Variants in EYS observed in about 807,000 individuals in gnomAD.
EYS encodes the protein protein eyes shut homolog.
A neutral mutation model predicts 282.1 loss-of-function variants in EYS; 250 were observed. The observed-to-expected ratio is 0.89, with a 90% CI of 0.80 to 0.98. EYS has a LOEUF of 0.98. EYS is among the 50% of genes least tolerant of loss of function. The pLI is 0.00. For synonymous variants in EYS, 1,355 were observed against 1,282.9 expected, an observed-to-expected ratio of 1.06 and a Z score of -1.20; for missense variants, 4,016 against 3,709.0, an observed-to-expected ratio of 1.08 and a Z score of -2.15.
intron 29 of EYS, among the ~76,000 whole-genome samples, chr6:64,359,933 T>G (rs1197438900): frequency 6.6e-6 from 1 of 151,662 alleles, no homozygotes; most frequent in Non-Finnish European, 1.5e-5. Flanking sequence ...AAAGCAAGTA[T>G]CATCTCTTTT....
chr6:65,670,633 T>C (rs1028282149), intron 1 of EYS, among the ~76,000 whole-genome samples: 5 of 152,164 alleles, frequency 3.3e-5, no homozygotes, highest in African/African-American at 9.6e-5. Context: ...TGATAATGAA[T>C]GCTAACTTAA....
chr6:65,618,259 A>G (rs1322477988), intron 2 of EYS, among the ~76,000 whole-genome samples: 2 of 152,254 alleles, frequency 1.3e-5, no homozygotes, highest in Non-Finnish European at 2.9e-5. Context: ...CTGGTGTGAG[A>G]TGGTATCACA....
chr6:65,453,551 T>C (rs569264740), intron 5 of EYS, among the ~76,000 whole-genome samples: 23 of 152,150 alleles, frequency 1.5e-4, no homozygotes, highest in African/African-American at 5.5e-4. Context: ...GTCTATCTTC[T>C]AGCTATTTTG....
intron 12 of EYS, among the ~76,000 whole-genome samples, chr6:65,164,258 T>A (rs1291330903): frequency 6.6e-6 from 1 of 151,288 alleles, no homozygotes; most frequent in East Asian, 2.0e-4. Context: ...TCACATGCAC[T>A]TGGAAATCAT....
At chr6:64,030,579 G>A (rs189784378) in intron 33 of EYS, among the ~76,000 whole-genome samples, 346 of 152,192 alleles carry the variant, frequency 2.3e-3, no homozygotes, top group African/African-American at 7.8e-3. Context: ...GATGCCGCCC[G>A]GCGTTTACAG....
chr6:65,319,204 C>CAAAAAAA (rs55687610), intron 11 of EYS, among the ~76,000 whole-genome samples: 21 of 44,376 alleles, frequency 4.7e-4, no homozygotes, highest in Non-Finnish European at 5.2e-4. Flanking sequence ...ACTAAAAATG[C>CAAAAAAA]AAAAAAAAAA....
chr6:65,067,418 A>C (rs1583452375), intron 12 of EYS, among the ~76,000 whole-genome samples: 1 of 152,104 alleles, frequency 6.6e-6, no homozygotes. Context: ...TCATCACAAA[A>C]TTGACAAACA....
intron 26 of EYS, among the ~76,000 whole-genome samples, chr6:64,526,808 C>T (rs1047274564): frequency 2.6e-5 from 4 of 151,692 alleles, no homozygotes; most frequent in African/African-American, 9.7e-5. Flanking sequence ...TGGCCTGAGA[C>T]TTGGAGGCAT....
At chr6:65,022,365 G>A (rs114552649) in intron 13 of EYS, among the ~76,000 whole-genome samples, 1,831 of 152,238 alleles carry the variant, frequency 0.012, 42 homozygotes, top group African/African-American at 0.041. Context: ...TGCTTATTGC[G>A]ATAGTAACAA....
intron 31 of EYS, among the ~76,000 whole-genome samples, chr6:64,208,631 A>C (rs1196981679): frequency 6.6e-6 from 1 of 152,202 alleles, no homozygotes; most frequent in Non-Finnish European, 1.5e-5. Context: ...TAAATATTTT[A>C]GAAATCCAAA....
chr6:64,008,743 G>A (rs1055017179), intron 33 of EYS, among the ~76,000 whole-genome samples: 4 of 152,152 alleles, frequency 2.6e-5, no homozygotes, highest in Non-Finnish European at 4.4e-5. Flanking sequence ...AACTGAGTGT[G>A]AAATTCATGG....
At chr6:64,090,465 C>T (rs1230735250) in intron 31 of EYS, among the ~76,000 whole-genome samples, 2 of 151,884 alleles carry the variant, frequency 1.3e-5, no homozygotes, top group Non-Finnish European at 2.9e-5. Context: ...TTGATAATAC[C>T]TTTCTTGTTA....
At chr6:64,867,704 C>G (rs985989517) in intron 19 of EYS, among the ~76,000 whole-genome samples, 2 of 151,626 alleles carry the variant, frequency 1.3e-5, no homozygotes, top group Non-Finnish European at 3.0e-5. Context: ...CTGTTTTTAT[C>G]TCTGAATTTT....
chr6:64,305,095 A>G (rs1769389517), intron 30 of EYS, among the ~76,000 whole-genome samples: 2 of 152,198 alleles, frequency 1.3e-5, no homozygotes, highest in South Asian at 4.1e-4. Flanking sequence ...AAGAAGACTC[A>G]ATTAACTGAA....
intron 33 of EYS, among the ~76,000 whole-genome samples, chr6:64,011,515 T>C (rs1023142881): frequency 6.6e-6 from 1 of 152,178 alleles, no homozygotes; most frequent in Non-Finnish European, 1.5e-5. Flanking sequence ...TTTTGTGCTA[T>C]AGGCATTTGA....
chr6:64,269,889 C>T (rs1362386700), intron 30 of EYS, among the ~76,000 whole-genome samples: 1 of 151,854 alleles, frequency 6.6e-6, no homozygotes, highest in Admixed American at 6.6e-5. Context: ...TTACAACAAA[C>T]ATATTTTGAC....
chr6:65,686,622 T>A (rs773481121), intron 1 of EYS, among the ~76,000 whole-genome samples: 27 of 152,110 alleles, frequency 1.8e-4, no homozygotes, highest in Non-Finnish European at 2.2e-4. Context: ...AACTACAAAA[T>A]GAAAGATAAA....
chr6:64,887,897 T>C (rs1767149831), intron 18 of EYS, among the ~76,000 whole-genome samples: 1 of 152,042 alleles, frequency 6.6e-6, no homozygotes, highest in Non-Finnish European at 1.5e-5. Context: ...TCTTACTCAG[T>C]ATTAATAAAG....
intron 18 of EYS, among the ~76,000 whole-genome samples, chr6:64,889,715 G>T (rs527480362): frequency 3.3e-5 from 5 of 151,920 alleles, no homozygotes; most frequent in Non-Finnish European, 7.4e-5. Context: ...TCCTATGCCC[G>T]TCTTTACTTT....
Sources: gnomAD v4.1 joint callset for allele counts (sites outside exome capture counted in the v4.1 genomes callset) on GRCh38, gnomAD v4.1.1 for gene constraint, MANE v1.5 for transcripts, NCBI Gene and HGNC (gene_info 2026-07-23, HGNC 2026-07-21) for gene names.